Variants in NFATC2 observed in about 807,000 individuals in gnomAD.
NFATC2 encodes the protein nuclear factor of activated T cells 2, also known as nuclear factor of activated T-cells, cytoplasmic 2.
Under a neutral mutation model 87.3 loss-of-function variants are expected in NFATC2, and 22 were observed. The observed-to-expected ratio is 0.25, with a 90% confidence interval of 0.18 to 0.36. The LOEUF (loss-of-function observed/expected upper bound fraction) is 0.36. Among genes scored for constraint, NFATC2 ranks in the 10% least tolerant of loss-of-function variants. The pLI is 1.00. For missense variants in NFATC2, 1,149 were observed against 1,259.1 expected (o/e 0.91, Z 1.32); for synonymous variants, 565 against 542.2 (o/e 1.04, Z -0.58).
At chr20:51,545,954 C>T (rs2076886431), upstream of NFATC2, among the ~76,000 whole-genome samples, 1 of 152,148 alleles carries the variant, frequency 6.6e-6, no homozygotes, top group African/African-American at 2.4e-5. Flanking sequence ...TTTGACTCTC[C>T]TTAAAATCCT....
chr20:51,521,574 G>A (rs368876137), intron 2 of NFATC2, among the ~76,000 whole-genome samples: 1 of 152,180 alleles, frequency 6.6e-6, no homozygotes, highest in Non-Finnish European at 1.5e-5. Flanking sequence ...GCCCACCTCG[G>A]CCTCCCAAAG....
intron 3 of NFATC2, among the ~76,000 whole-genome samples, chr20:51,481,574 C>T (rs1207543848): frequency 1.3e-5 from 2 of 152,092 alleles, no homozygotes; most frequent in South Asian, 2.1e-4. Flanking sequence ...TAGTGCACAC[C>T]GTGAAGGGCT....
At chr20:51,446,781 C>T (rs150831428) in intron 6 of NFATC2, among the ~76,000 whole-genome samples, 2 of 152,244 alleles carry the variant, frequency 1.3e-5, no homozygotes, top group South Asian at 2.1e-4. Context: ...AGAGCAGCTT[C>T]GTGTCCCAGC....
chr20:51,404,797 C>T (rs1360803943), intron 9 of NFATC2, among the ~76,000 whole-genome samples: 4 of 152,216 alleles, frequency 2.6e-5, no homozygotes, highest in African/African-American at 7.2e-5. Context: ...CCCTAGTGTG[C>T]GCAGACAGCT....
intron 9 of NFATC2, among the ~76,000 whole-genome samples, chr20:51,412,962 ACCGACC>A (rs1979471640): frequency 1.6e-4 from 2 of 12,302 alleles, no homozygotes; most frequent in East Asian, 8.8e-3. Flanking sequence ...CCCCCGCCCC[ACCGACC>A]CCGGCCCCCC....
intron 9 of NFATC2, among the ~76,000 whole-genome samples, chr20:51,421,861 A>G (rs1980975902): frequency 6.8e-6 from 1 of 147,238 alleles, no homozygotes; most frequent in African/African-American, 2.7e-5. Flanking sequence ...GCTGAAGCAG[A>G]CCACAACTCA....
At chr20:51,520,678 T>G (rs969809013) in intron 2 of NFATC2, among the ~76,000 whole-genome samples, 27 of 152,006 alleles carry the variant, frequency 1.8e-4, no homozygotes, top group African/African-American at 3.4e-4. Flanking sequence ...TTTTATTTTT[T>G]TGAGACAATT....
At chr20:51,492,953 G>A (rs1392140438) in intron 3 of NFATC2, among the ~76,000 whole-genome samples, 1 of 152,248 alleles carries the variant, frequency 6.6e-6, no homozygotes, top group Non-Finnish European at 1.5e-5. Context: ...ATTGGAGTTT[G>A]CAGCTTGGGG....
chr20:51,493,934 TG>T (rs922412013), intron 3 of NFATC2, among the ~76,000 whole-genome samples: 36 of 152,184 alleles, frequency 2.4e-4, no homozygotes, highest in African/African-American at 7.5e-4. Flanking sequence ...GCCACACCTC[TG>T]AGCCCTCACC....
rs2076505764 is a variant in NFATC2, at chr20:51,524,184, C to CTGGA, written c.131-78_131-75dup. On this transcript the variant is annotated intron_variant, in intron 1 of 10. Transcript: ENST00000371564. This position sits in a 1 kb window ranked among gnomAD's most constrained non-coding sequence, Gnocchi z 4.0. ...ACTCCCGGTGCAGAGCAATCACAGG[C>CTGGA]TGGATTTCGTCTCACGTCGTTTATT... 1.5e-6 allele frequency: 2 copies of CTGGA among 1,310,798 alleles called. No homozygotes were observed. The highest frequency in any genetic ancestry group is 4.6e-4 in the Middle Eastern group (2 of 4,318). 81.2% of individuals were successfully genotyped at this position (1,310,798 alleles called of 1,614,324 possible). A position where few individuals can be genotyped will look rare whatever the true frequency, so the allele number is the denominator to read the frequency against.
rs535006010 is a variant in NFATC2, at chr20:51,400,960, A to G, written c.2723-2230T>C. 2.1e-3 allele frequency among the ~76,000 whole-genome samples: 317 copies of G among 152,086 alleles called. 1 individual carries two copies. The highest frequency in any genetic ancestry group is 4.6e-3 in the Admixed American group (70 of 15,304). On this transcript the variant is annotated intron_variant, in intron 9 of 10. Coordinates refer to ENST00000371564, the MANE Select transcript of NFATC2 (RefSeq NM_012340.5). ...TGCCCTGGGGCCTCTGTTAAAATGT[A>G]GACTCACATCAGAAGCTGTTGGAAC... is the stretch of plus-strand genomic sequence containing the variant.
chr20:51,539,351 C>A (rs182870101), intron 1 of NFATC2, among the ~76,000 whole-genome samples: 2 of 152,264 alleles, frequency 1.3e-5, no homozygotes, highest in African/African-American at 4.8e-5. Flanking sequence ...CTAGTGTTCA[C>A]CCCTGAGGAG....
chr20:51,528,391 CACAG>C (rs2076580141), intron 1 of NFATC2, among the ~76,000 whole-genome samples: 1 of 148,550 alleles, frequency 6.7e-6, no homozygotes, highest in Admixed American at 6.8e-5. Context: ...TGTACACAAA[CACAG>C]AGAGATGTAC....
chr20:51,530,694 G>A (rs1045518168), intron 1 of NFATC2, among the ~76,000 whole-genome samples: 12 of 152,112 alleles, frequency 7.9e-5, no homozygotes, highest in South Asian at 2.1e-4. Context: ...TCCATGTCAC[G>A]CACATGCTGT....
At chr20:51,441,922 G>A (rs1408233168) in intron 6 of NFATC2, among the ~76,000 whole-genome samples, 1 of 152,110 alleles carries the variant, frequency 6.6e-6, no homozygotes, top group Admixed American at 6.5e-5. Context: ...TGACCCAAGT[G>A]CTTTGGTGGG....
intron 3 of NFATC2, among the ~76,000 whole-genome samples, chr20:51,486,617 C>T (rs6123040): frequency 2.5e-5 from 3 of 118,720 alleles, no homozygotes; most frequent in African/African-American, 6.5e-5. Context: ...AGAATGTAAG[C>T]TTGTCCATCA....
upstream of NFATC2, among the ~76,000 whole-genome samples, chr20:51,545,915 A>T (rs1342402840): frequency 1.3e-5 from 2 of 152,206 alleles, no homozygotes; most frequent in Admixed American, 1.3e-4. Flanking sequence ...TCAATGGAAG[A>T]GTAGATGTTT....
intron 1 of NFATC2, among the ~76,000 whole-genome samples, chr20:51,549,899 G>A (rs2076918829): frequency 6.6e-6 from 1 of 152,204 alleles, no homozygotes; most frequent in Non-Finnish European, 1.5e-5. Flanking sequence ...TTTAAATTCT[G>A]AATACTTTTT....
chr20:51,402,989 A>G (rs991944178), intron 9 of NFATC2, among the ~76,000 whole-genome samples: 11 of 152,234 alleles, frequency 7.2e-5, no homozygotes, highest in African/African-American at 2.2e-4. Flanking sequence ...AGATCATTCT[A>G]TGTTTACCCA....
Sources: allele counts gnomAD v4.1 joint callset (sites outside exome capture counted in the v4.1 genomes callset), GRCh38; gene constraint gnomAD v4.1.1; non-coding constraint Gnocchi (gnomAD v3.1); transcripts MANE v1.5; gene names NCBI Gene and HGNC (gene_info 2026-07-23, HGNC 2026-07-21).